The following NALCN variants were observed in gnomAD, a reference collection of about 807,000 sequenced individuals.
The protein encoded by NALCN is sodium leak channel, non-selective, also known as sodium leak channel NALCN.
Under a neutral mutation model 225.3 loss-of-function variants are expected in NALCN, and 111 were observed. The ratio of observed to expected loss-of-function variants is 0.49; its 90% confidence interval spans 0.42 to 0.58. The LOEUF (loss-of-function observed/expected upper bound fraction) is 0.58, where lower values mean the gene tolerates loss of function less well. Among genes scored for constraint, NALCN ranks in the 20% least tolerant of loss-of-function variants. The pLI is 0.00. For synonymous variants in NALCN, 764 were observed against 769.0 expected, an observed-to-expected ratio of 0.99 and a Z score of 0.11; for missense variants, 1,378 against 2,202.4, an observed-to-expected ratio of 0.63 and a Z score of 7.49.
chr13:101,234,939 A>G (rs1470806803), intron 12 of NALCN, among the ~76,000 whole-genome samples: 1 of 152,150 alleles, frequency 6.6e-6, no homozygotes, highest in Non-Finnish European at 1.5e-5. Context: ...GTAAAAAAAC[A>G]GACTAGTAGG....
intron 7 of NALCN, among the ~76,000 whole-genome samples, chr13:101,339,266 A>C (rs1394788503): frequency 1.3e-5 from 2 of 152,186 alleles, no homozygotes; most frequent in African/African-American, 4.8e-5. Flanking sequence ...CTTGCCACCC[A>C]TACTGCAATC....
chr13:101,170,820 C>T lies in NALCN; in HGVS notation c.1839+5480G>A, dbSNP rs181175526. Among the ~76,000 whole-genome samples, 455 of 152,286 alleles carry T rather than the reference C, an allele frequency of 3.0e-3. 4 individuals carry two copies. Among genetic ancestry groups the T allele is most frequent in the African/African-American group, 9.8e-3 (409 of 41,568 alleles). Reference sequence around the variant, plus strand: ...AATCTAAACAGACTACCTATACTTCCCTTTTCGATGATTCCTCCCCTCAGG... The same window carrying T: ...AATCTAAACAGACTACCTATACTTCTCTTTTCGATGATTCCTCCCCTCAGG... On this transcript the variant is annotated intron_variant, in intron 15 of 43. Coordinates refer to ENST00000251127, the MANE Select transcript of NALCN (RefSeq NM_052867.4).
At chr13:101,138,606 C>CT (rs1172915714) in intron 17 of NALCN, among the ~76,000 whole-genome samples, 1 of 152,198 alleles carries the variant, frequency 6.6e-6, no homozygotes, top group Non-Finnish European at 1.5e-5. Context: ...ATTGCAGGTT[C>CT]TGACATAAGA....
chr13:101,242,817 G>GAAC lies in NALCN; in HGVS notation c.1267-4896_1267-4895insGTT, dbSNP rs1350611563. Among the ~76,000 whole-genome samples, 7 of 106,212 alleles carry GAAC rather than the reference G, an allele frequency of 6.6e-5. 2 individuals are homozygous for GAAC. The highest frequency in any genetic ancestry group is 1.5e-4 in the Non-Finnish European group (7 of 47,430). The allele number at this position is 106,212 out of a possible 152,430, so 69.7% of individuals were successfully genotyped here. A position where few individuals can be genotyped will look rare whatever the true frequency, so the allele number is the denominator to read the frequency against. On this transcript the variant is annotated intron_variant, in intron 11 of 43. Transcript: ENST00000251127. ...ATTTTTAACACTGACAGATGAACAT[G>GAAC]TTGTCTGTGTTCAGATTCTGTAGTT...
At chr13:101,288,842 T>G (rs1237294861) in intron 9 of NALCN, among the ~76,000 whole-genome samples, 1 of 152,220 alleles carries the variant, frequency 6.6e-6, no homozygotes, top group Non-Finnish European at 1.5e-5. Context: ...GCTCTAAAAT[T>G]TAGCAGTTCT....
intron 11 of NALCN, among the ~76,000 whole-genome samples, chr13:101,255,470 G>A (rs1435677598): frequency 6.6e-6 from 1 of 152,172 alleles, no homozygotes; most frequent in Non-Finnish European, 1.5e-5. Context: ...GATCACAAAA[G>A]CAATGTTACT....
intron 3 of NALCN, among the ~76,000 whole-genome samples, chr13:101,389,936 G>C (rs1447111045): frequency 6.6e-6 from 1 of 152,090 alleles, no homozygotes; most frequent in Non-Finnish European, 1.5e-5. Context: ...ACAAAAATTA[G>C]CCGGGTGTGG....
intron 3 of NALCN, among the ~76,000 whole-genome samples, chr13:101,381,581 G>A (rs1348483766): frequency 6.6e-6 from 1 of 151,974 alleles, no homozygotes; most frequent in East Asian, 1.9e-4. Context: ...TTAAAGTTGT[G>A]CCCTTCATTC....
chr13:101,264,626 G>A (rs1444454585), intron 10 of NALCN, among the ~76,000 whole-genome samples: 3 of 152,140 alleles, frequency 2.0e-5, no homozygotes, highest in Admixed American at 6.5e-5. Flanking sequence ...GTTGAATTTT[G>A]AGAAGCACTG....
chr13:101,087,179 G>A (rs948547520), intron 30 of NALCN, among the ~76,000 whole-genome samples: 1 of 151,958 alleles, frequency 6.6e-6, no homozygotes, highest in South Asian at 2.1e-4. Context: ...CTTTAAAGAG[G>A]TTTCCATTTT....
intron 7 of NALCN, among the ~76,000 whole-genome samples, chr13:101,314,563 T>G (rs1438092169): frequency 6.6e-6 from 1 of 152,182 alleles, no homozygotes; most frequent in Non-Finnish European, 1.5e-5. Context: ...ACAATCATAT[T>G]TGGGGACTAG....
intron 16 of NALCN, among the ~76,000 whole-genome samples, chr13:101,143,753 C>T (rs994275066): frequency 6.6e-6 from 1 of 152,126 alleles, no homozygotes; most frequent in African/African-American, 2.4e-5. Flanking sequence ...TGTGAGCCAC[C>T]GCACCCAGCC....
At position 101,104,896 on chromosome 13, in the gene NALCN, A is replaced by T; in HGVS notation, c.2634T>A (p.Leu878=). 1.2e-6 allele frequency: 2 copies of T among 1,613,756 alleles called. No homozygotes were observed. The highest frequency in any genetic ancestry group is 1.3e-5 in the African/African-American group (1 of 75,018). The change falls in exon 23 of 44, where the codon CTT becomes CTA. Residue 878 remains leucine (L), a splice_region_variant and synonymous_variant. Coordinates refer to ENST00000251127, the MANE Select transcript of NALCN (RefSeq NM_052867.4). This position sits in a 1 kb window ranked among gnomAD's most constrained non-coding sequence, Gnocchi z 4.2. The part of the protein sequence containing the change: ...GAVKNTKYHQ[L]YDLLGLVTYL... ...AAAATGAAGTTGGTGATGCTTACTAAAGTTGATGGTACTTTGTATTTTTCA... is the reference window on the plus strand; with the variant it reads ...AAAATGAAGTTGGTGATGCTTACTATAGTTGATGGTACTTTGTATTTTTCA...
At position 101,053,960 on chromosome 13, in the gene NALCN, C is replaced by T. The variant is rs1312879489; in HGVS notation, c.*1335G>A. The T allele has an allele frequency of 1.3e-5, 2 of 152,092 alleles. No individual in the cohort carries two copies. Among genetic ancestry groups the T allele is most frequent in the African/African-American group, 2.4e-5 (1 of 41,386 alleles). 9.4% of individuals were successfully genotyped at this position (152,092 alleles called of 1,614,324 possible). A position where few individuals can be genotyped will look rare whatever the true frequency, so the allele number is the denominator to read the frequency against. On this transcript the variant is annotated 3_prime_UTR_variant, in exon 44 of 44. Transcript: ENST00000251127. The stretch of plus-strand genomic sequence containing the variant: ...ACTTCTGTGACACAGAAGGAATGTC[C>T]TATTTGCCTATCTATCTGAGGAATG...
At position 101,370,875 on chromosome 13, in the gene NALCN, G is replaced by A. The variant is rs191679752; in HGVS notation, c.644+5825C>T. Among the ~76,000 whole-genome samples the A allele has an allele frequency of 5.3e-4, 80 of 152,186 alleles. 1 individual carries two copies. Among genetic ancestry groups the A allele is most frequent in the Non-Finnish European group, 1.0e-3 (69 of 68,006 alleles). ...ATGAACATGTCAATAAACCCCAAAGGTTTCTTGAGGCCCCTTTGTAATCCC... is the reference window on the plus strand; with the variant it reads ...ATGAACATGTCAATAAACCCCAAAGATTTCTTGAGGCCCCTTTGTAATCCC... On this transcript the variant is annotated intron_variant, in intron 6 of 43. Transcript: ENST00000251127.
At chr13:101,364,514 T>C (rs1159957342) in intron 6 of NALCN, among the ~76,000 whole-genome samples, 1 of 152,106 alleles carries the variant, frequency 6.6e-6, no homozygotes, top group East Asian at 1.9e-4. Context: ...CTCACTCATA[T>C]TTAGGCCTTA....
At chr13:101,063,040 C>T (rs1217605021) in intron 40 of NALCN, among the ~76,000 whole-genome samples, 1 of 152,224 alleles carries the variant, frequency 6.6e-6, no homozygotes, top group Admixed American at 6.5e-5. Flanking sequence ...AATAAGGCAG[C>T]TCCCAGGATG....
intron 3 of NALCN, among the ~76,000 whole-genome samples, chr13:101,387,190 C>T (rs2047014919): frequency 7.1e-6 from 1 of 140,926 alleles, no homozygotes; most frequent in Non-Finnish European, 1.5e-5. Flanking sequence ...CACTGCAGTC[C>T]GCAGTCCGGC....
chr13:101,393,767 A>G (rs1450999619), intron 3 of NALCN, among the ~76,000 whole-genome samples: 2 of 152,160 alleles, frequency 1.3e-5, no homozygotes, highest in African/African-American at 4.8e-5. Context: ...AGATCGTGCC[A>G]TTGCACTCCA....
Sources: allele counts gnomAD v4.1 joint callset (sites outside exome capture counted in the v4.1 genomes callset), GRCh38; gene constraint gnomAD v4.1.1; non-coding constraint Gnocchi (gnomAD v3.1); transcripts MANE v1.5; gene names NCBI Gene and HGNC (gene_info 2026-07-23, HGNC 2026-07-21).